Variants in SNTA1 observed in about 807,000 individuals in gnomAD.
SNTA1 encodes syntrophin alpha 1.
SNTA1 carries 31 observed loss-of-function variants against 47.1 expected under a neutral mutation model. That is an observed-to-expected ratio of 0.66 (90% confidence interval 0.49 to 0.89). The LOEUF (loss-of-function observed/expected upper bound fraction) is 0.89, where lower values mean the gene tolerates loss of function less well. SNTA1 is among the 40% of genes least tolerant of loss of function. SNTA1 has a pLI of 0.00. For synonymous variants in SNTA1, 300 were observed against 313.6 expected (o/e 0.96, Z 0.46); for missense variants, 575 against 693.0 (o/e 0.83, Z 1.91).
At chr20:33,426,527 C>T (rs985708352) in intron 2 of SNTA1, among the ~76,000 whole-genome samples, 5 of 149,310 alleles carry the variant, frequency 3.3e-5, no homozygotes, top group African/African-American at 7.4e-5. Flanking sequence ...TTTGGGTGGC[C>T]GAGGCGGGCG....
intron 6 of SNTA1, among the ~76,000 whole-genome samples, chr20:33,409,367 A>G (rs1229203688): frequency 6.6e-6 from 1 of 152,144 alleles, no homozygotes; most frequent in Non-Finnish European, 1.5e-5. Flanking sequence ...CATCCTCACC[A>G]GCAGATTGAC....
intron 2 of SNTA1, among the ~76,000 whole-genome samples, chr20:33,433,896 C>T (rs955378065): frequency 1.3e-5 from 2 of 152,152 alleles, no homozygotes; most frequent in African/African-American, 4.8e-5. Flanking sequence ...TGCTGAGGCT[C>T]AGCTGAGCCC....
chr20:33,408,759 G>A lies in SNTA1; in HGVS notation c.1367C>T (p.Ser456Phe). Reference sequence around the variant, plus strand: ...AAGGAGACTGGCACCGTCATCTGAAGACATCTGCAGCTTCTCGAAGGGCTG... The same window carrying A: ...AAGGAGACTGGCACCGTCATCTGAAAACATCTGCAGCTTCTCGAAGGGCTG... ...LRQPFEKLQMSSDDGASLLFL... is the reference protein window; with the variant it reads ...LRQPFEKLQMFSDDGASLLFL... The change falls in exon 7 of 8, where the codon TCT (serine) becomes TTT (phenylalanine). Residue 456 changes from serine (S) to phenylalanine (F), a missense_variant. Coordinates refer to ENST00000217381, the MANE Select transcript of SNTA1 (RefSeq NM_003098.3). 2 of 1,614,200 alleles carry A rather than the reference G, an allele frequency of 1.2e-6. No homozygotes were observed. The highest frequency in any genetic ancestry group is 1.7e-6 in the Non-Finnish European group (2 of 1,180,042).
At chr20:33,417,600 C>A in intron 3 of SNTA1, 119 bp downstream of exon 3, 1 of 748,758 alleles carries the variant, frequency 1.3e-6, no homozygotes. Context: ...TTTTTAAGCA[C>A]CTACTATGTC....
At position 33,409,764 on chromosome 20, in the gene SNTA1, AG is replaced by A. The variant is rs538887845; in HGVS notation, c.1237+370del. 2.9e-3 allele frequency among the ~76,000 whole-genome samples: 441 copies of A among 151,820 alleles called. 4 individuals are homozygous for A. The highest frequency in any genetic ancestry group is 0.01 in the African/African-American group (419 of 41,394). ...TTCTGCCTCAGCCTCCCGAGTAGCT[AG>A]GACTACAGGCGCCCACCACCATGCC... On this transcript the variant is annotated intron_variant, in intron 6 of 7. Transcript: ENST00000217381.
chr20:33,416,702 A>G (rs1473268100), intron 3 of SNTA1, among the ~76,000 whole-genome samples: 1 of 152,128 alleles, frequency 6.6e-6, no homozygotes, highest in Non-Finnish European at 1.5e-5. Flanking sequence ...GCACTTTGGG[A>G]GGCTGAGGCG....
intron 2 of SNTA1, among the ~76,000 whole-genome samples, chr20:33,437,019 C>T (rs1990458343): frequency 6.8e-6 from 1 of 146,270 alleles, no homozygotes; most frequent in African/African-American, 2.5e-5. Flanking sequence ...AATCCCAGCA[C>T]TTTTGGAGGC....
At chr20:33,415,490 A>G (rs1433903098) in intron 3 of SNTA1, among the ~76,000 whole-genome samples, 1 of 152,138 alleles carries the variant, frequency 6.6e-6, no homozygotes, top group Non-Finnish European at 1.5e-5. Flanking sequence ...CCCTGTCTCT[A>G]GTAAAAATAC....
intron 2 of SNTA1, among the ~76,000 whole-genome samples, chr20:33,418,815 A>G (rs1989946456): frequency 1.0e-5 from 1 of 96,628 alleles, no homozygotes; most frequent in African/African-American, 3.4e-5. Flanking sequence ...AAAAAAAAAA[A>G]AAAAAAAGAC....
At chr20:33,435,131 C>G (rs1481142840) in intron 2 of SNTA1, among the ~76,000 whole-genome samples, 1 of 151,128 alleles carries the variant, frequency 6.6e-6, no homozygotes, top group Non-Finnish European at 1.5e-5. Context: ...GCTGGGATTA[C>G]AGGCACGCGC....
chr20:33,442,525 G>A (rs1332731703), intron 1 of SNTA1, among the ~76,000 whole-genome samples: 1 of 152,162 alleles, frequency 6.6e-6, no homozygotes, highest in Non-Finnish European at 1.5e-5. Flanking sequence ...GGCACCTACA[G>A]TGTGCTGGTG....
chr20:33,427,488 A>G (rs1990196405), intron 2 of SNTA1, among the ~76,000 whole-genome samples: 1 of 152,112 alleles, frequency 6.6e-6, no homozygotes. Context: ...TGAACTATAA[A>G]TAGTCCCCAG....
In SNTA1 at chr20:33,408,961, G is replaced by A. The variant is rs1600835986; in HGVS notation, c.1238-73C>T. On this transcript the variant is annotated intron_variant, in intron 6 of 7. Transcript: ENST00000217381. ...TACACCCCAACCTCCAACCCCCACC[G>A]CAGCTTACAAAGTGGGGCCTGAATG... 14 of 1,374,876 alleles carry A rather than the reference G, an allele frequency of 1.0e-5. No individual in the cohort carries two copies. The East Asian group carries it at 1.8e-4, about 18-fold the overall frequency. The allele number at this position is 1,374,876 out of a possible 1,614,324, so 85.2% of individuals were successfully genotyped here. A position where few individuals can be genotyped will look rare whatever the true frequency, so the allele number is the denominator to read the frequency against.
In SNTA1 at chr20:33,408,687, AGCC is replaced by A. The variant is rs1488947317; in HGVS notation, c.1425+11_1425+13del. On this transcript the variant is annotated intron_variant, in intron 7 of 7. Transcript: ENST00000217381. Reference sequence around the variant, plus strand: ...CCCCTCCTCCCCAGGGTGCAGAGGCAGCCCCTCACTCACGATCTCGCCTTCAGC... The same window carrying A: ...CCCCTCCTCCCCAGGGTGCAGAGGCACCTCACTCACGATCTCGCCTTCAGC... 1 of 1,613,652 alleles carries A rather than the reference AGCC, an allele frequency of 6.2e-7. No individual in the cohort carries two copies. Among genetic ancestry groups the A allele is most frequent in the South Asian group, 1.1e-5 (1 of 91,064 alleles).
rs189106607 is a variant in SNTA1, at chr20:33,431,519, G to C, written c.496+7322C>G. ...TCCCAGCACTTTGGGAGGCCGAGGC[G>C]GGTGGATCACCTGAGGTCAGGAGTT... On this transcript the variant is annotated intron_variant, in intron 2 of 7. Transcript: ENST00000217381. Among the ~76,000 whole-genome samples, 686 of 151,848 alleles carry C rather than the reference G, an allele frequency of 4.5e-3. 4 individuals carry two copies. The highest frequency in any genetic ancestry group is 0.014 in the Middle Eastern group (4 of 294).
chr20:33,426,534 G>T (rs1990175199), intron 2 of SNTA1, among the ~76,000 whole-genome samples: 1 of 151,686 alleles, frequency 6.6e-6, no homozygotes, highest in Non-Finnish European at 1.5e-5. Context: ...GGCCGAGGCG[G>T]GCGGATCACT....
chr20:33,416,141 C>T (rs1017496598), intron 3 of SNTA1, among the ~76,000 whole-genome samples: 1 of 152,112 alleles, frequency 6.6e-6, no homozygotes, highest in Non-Finnish European at 1.5e-5. Context: ...TTTAGAGCAT[C>T]GGCAAGTGAC....
At chr20:33,432,326 G>A (rs552535768) in intron 2 of SNTA1, among the ~76,000 whole-genome samples, 1 of 152,320 alleles carries the variant, frequency 6.6e-6, no homozygotes, top group Non-Finnish European at 1.5e-5. Context: ...TTAGAGTTCT[G>A]AGGACTCAGA....
intron 3 of SNTA1, among the ~76,000 whole-genome samples, chr20:33,416,483 G>A (rs1989877941): frequency 6.6e-6 from 1 of 152,128 alleles, no homozygotes; most frequent in Admixed American, 6.6e-5. Context: ...TCTCAAGTAG[G>A]TTACTTCCCC....
Sources: gnomAD v4.1 joint callset for allele counts (sites outside exome capture counted in the v4.1 genomes callset) on GRCh38, gnomAD v4.1.1 for gene constraint, MANE v1.5 for transcripts, NCBI Gene and HGNC (gene_info 2026-07-23, HGNC 2026-07-21) for gene names.